Variants in STK32C observed in about 807,000 individuals in gnomAD.
The protein encoded by STK32C is serine/threonine-protein kinase 32C.
A neutral mutation model predicts 56.5 loss-of-function variants in STK32C; 31 were observed. The observed-to-expected ratio is 0.55, with a 90% CI of 0.41 to 0.74. The LOEUF (loss-of-function observed/expected upper bound fraction) is 0.74. Among genes scored for constraint, STK32C ranks in the 30% least tolerant of loss-of-function variants. STK32C has a pLI of 0.00. For synonymous variants in STK32C, 309 were observed against 289.4 expected, an observed-to-expected ratio of 1.07 and a Z score of -0.69; for missense variants, 544 against 676.9, an observed-to-expected ratio of 0.80 and a Z score of 2.18.
chr10:132,267,998 T>A (rs1169656520), intron 1 of STK32C, among the ~76,000 whole-genome samples: 5 of 146,710 alleles, frequency 3.4e-5, no homozygotes, highest in Non-Finnish European at 7.5e-5. Context: ...TGTGTGTGTG[T>A]GTCGGTGTGT....
chr10:132,275,881 G>C (rs1358195454), intron 1 of STK32C, among the ~76,000 whole-genome samples: 1 of 152,184 alleles, frequency 6.6e-6, no homozygotes, highest in African/African-American at 2.4e-5. Context: ...CAGACACCCA[G>C]GCCTGTGTCG....
At chr10:132,223,442 G>A (rs983530894) in intron 8 of STK32C, among the ~76,000 whole-genome samples, 1 of 152,252 alleles carries the variant, frequency 6.6e-6, no homozygotes, top group African/African-American at 2.4e-5. Context: ...TCCCAGCGCT[G>A]GCACCTCCCG....
intron 1 of STK32C, among the ~76,000 whole-genome samples, chr10:132,275,660 G>A (rs557227275): frequency 2.0e-5 from 3 of 152,166 alleles, no homozygotes; most frequent in East Asian, 1.9e-4. Context: ...GCCACCCACC[G>A]TCACTGACGC....
intron 1 of STK32C, among the ~76,000 whole-genome samples, chr10:132,251,016 G>A (rs959976693): frequency 1.3e-5 from 2 of 152,190 alleles, no homozygotes; most frequent in African/African-American, 2.4e-5. Flanking sequence ...GGCCTATGGA[G>A]CATTAGGGGA....
intron 10 of STK32C, among the ~76,000 whole-genome samples, chr10:132,213,214 C>G (rs1339019532): frequency 6.6e-6 from 1 of 152,218 alleles, no homozygotes; most frequent in Non-Finnish European, 1.5e-5. Flanking sequence ...TGTTTTTCAG[C>G]CTGTACCCCG....
intron 2 of STK32C, among the ~76,000 whole-genome samples, chr10:132,242,538 C>G (rs1312002171): frequency 6.6e-6 from 1 of 152,044 alleles, no homozygotes; most frequent in Non-Finnish European, 1.5e-5. Flanking sequence ...GGGACCCTCC[C>G]CCGGGAGAGG....
At chr10:132,262,652 C>T (rs1039115626) in intron 1 of STK32C, among the ~76,000 whole-genome samples, 1 of 151,028 alleles carries the variant, frequency 6.6e-6, no homozygotes, top group African/African-American at 2.4e-5. Context: ...GTGGCTCACG[C>T]CTGTAATCCC....
intron 1 of STK32C, among the ~76,000 whole-genome samples, chr10:132,315,922 T>C (rs929390465): frequency 6.6e-6 from 1 of 152,162 alleles, no homozygotes; most frequent in African/African-American, 2.4e-5. Context: ...GTCCAACATT[T>C]GGAAATTAAA....
In STK32C at chr10:132,209,100, T is replaced by C; in HGVS notation, c.1253A>G (p.Glu418Gly). The change falls in exon 11 of 12, where the codon GAG becomes GGG. Residue 418 changes from glutamate (E) to glycine (G), a missense_variant and splice_region_variant. Physicochemically the swap from Glu to Gly is moderately conservative, Grantham distance 98. Around this residue, in one of 3 missense-constraint regions of STK32C, gnomAD observed 277 missense variants for 309.3 expected, o/e 0.90. Transcript: ENST00000298630. ...RDNSRDSSQSENDYLQDCLDA... is the reference protein window; with the variant it reads ...RDNSRDSSQSGNDYLQDCLDA... ...GAGGCAGTCTTGAAGATAGTCATTC[T>C]CCTGTGGATGGAAAGGCACACGTGA... 6.2e-7 allele frequency: 1 copy of C among 1,613,718 alleles called. No individual in the cohort carries two copies. The highest frequency in any genetic ancestry group is 8.5e-7 in the Non-Finnish European group (1 of 1,179,912).
intron 1 of STK32C, among the ~76,000 whole-genome samples, chr10:132,263,912 T>C (rs887022043): frequency 6.8e-6 from 1 of 146,612 alleles, no homozygotes; most frequent in Non-Finnish European, 1.5e-5. Context: ...AGAAAAAGCA[T>C]GGCGCAGTGA....
chr10:132,281,433 C>T (rs918262674), intron 1 of STK32C, among the ~76,000 whole-genome samples: 16 of 152,172 alleles, frequency 1.1e-4, no homozygotes, highest in African/African-American at 3.1e-4. Context: ...CTATTCCTAA[C>T]GTACCTTACC....
chr10:132,255,436 T>C lies in STK32C; in HGVS notation c.263-9481A>G, dbSNP rs1434227304. Among the ~76,000 whole-genome samples the C allele has an allele frequency of 1.3e-5, 2 of 152,032 alleles. No homozygotes were observed. The highest frequency in any genetic ancestry group is 2.9e-5 in the Non-Finnish European group (2 of 68,010). On this transcript the variant is annotated intron_variant, in intron 1 of 11. Transcript: ENST00000298630. The surrounding 1 kb of genome is among the most constrained non-coding windows in gnomAD (Gnocchi z 4.6). ...TCACAGACCCCTCACCCTCTTGCCA[T>C]GGCCTGCGGGAACAAAGACCCACCA...
At chr10:132,265,035 G>A (rs765569274) in intron 1 of STK32C, among the ~76,000 whole-genome samples, 3 of 152,096 alleles carry the variant, frequency 2.0e-5, no homozygotes, top group African/African-American at 4.8e-5. Context: ...CATGAGAACA[G>A]TAGAAGGTGC....
At chr10:132,319,841 A>G (rs542135075), downstream of STK32C, among the ~76,000 whole-genome samples, 668 of 151,434 alleles carry the variant, frequency 4.4e-3, 9 homozygotes, top group African/African-American at 0.016. Context: ...TGTCATCTCT[A>G]TTGAGGCATA....
chr10:132,327,755 G>A (rs1397458711), intron 1 of STK32C, among the ~76,000 whole-genome samples: 1 of 152,096 alleles, frequency 6.6e-6, no homozygotes, highest in Admixed American at 6.6e-5. Flanking sequence ...GGGATTACAG[G>A]TGTGAGCCAC....
At chr10:132,316,682 G>T (rs913740493) in intron 1 of STK32C, among the ~76,000 whole-genome samples, 1 of 151,992 alleles carries the variant, frequency 6.6e-6, no homozygotes, top group Non-Finnish European at 1.5e-5. Context: ...AATGTATAAA[G>T]CCCCAGGATT....
intron 1 of STK32C, among the ~76,000 whole-genome samples, chr10:132,324,964 C>T (rs1456748217): frequency 2.0e-5 from 3 of 152,170 alleles, no homozygotes; most frequent in Non-Finnish European, 4.4e-5. Context: ...GAATTATTAT[C>T]TAAAGACCTG....
At chr10:132,325,879 G>A (rs962760450) in intron 1 of STK32C, among the ~76,000 whole-genome samples, 1 of 151,836 alleles carries the variant, frequency 6.6e-6, no homozygotes, top group Non-Finnish European at 1.5e-5. Context: ...CTGCAACCAC[G>A]CCCAGCTAAT....
chr10:132,242,419 A>C (rs1298555980), intron 2 of STK32C, among the ~76,000 whole-genome samples: 2 of 152,158 alleles, frequency 1.3e-5, no homozygotes, highest in East Asian at 3.9e-4. Flanking sequence ...GGAAAACAGC[A>C]CCTGAGGTTG....
Sources: gnomAD v4.1 joint callset for allele counts (sites outside exome capture counted in the v4.1 genomes callset) on GRCh38, gnomAD v4.1.1 for gene constraint, gnomAD v4.1.1 regional missense constraint, Gnocchi (gnomAD v3.1) non-coding constraint, MANE v1.5 for transcripts, NCBI Gene and HGNC (gene_info 2026-07-23, HGNC 2026-07-21) for gene names.